The following KLHL4 variants were observed in gnomAD, a reference collection of about 807,000 sequenced individuals.
The protein encoded by KLHL4 is kelch like family member 4.
A neutral mutation model predicts 45.8 loss-of-function variants in KLHL4; 17 were observed. That is an observed-to-expected ratio of 0.37 (90% confidence interval 0.25 to 0.56). The LOEUF (loss-of-function observed/expected upper bound fraction) is 0.56. KLHL4 is among the 20% of genes least tolerant of loss of function. The probability of loss-of-function intolerance (pLI) is 0.79; values close to 1 mark genes in which losing one functional copy is unlikely to be tolerated. For missense variants in KLHL4, 544 were observed against 544.9 expected, an observed-to-expected ratio of 1.00 and a Z score of 0.02; for synonymous variants, 224 against 189.9, an observed-to-expected ratio of 1.18 and a Z score of -1.47.
intron 1 of KLHL4, among the ~76,000 whole-genome samples, chrX:87,582,980 C>A (rs1921334926): frequency 9.2e-6 from 1 of 108,953 alleles, no homozygotes; most frequent in Non-Finnish European, 1.9e-5. Flanking sequence ...TTTTTTCAAT[C>A]CTCCCTGCAA....
intron 9 of KLHL4, among the ~76,000 whole-genome samples, chrX:87,644,185 T>C (rs1022879707): frequency 2.7e-5 from 3 of 111,589 alleles, no homozygotes; most frequent in African/African-American, 9.8e-5. Context: ...CTAGAACTGA[T>C]AAAAGAATTC....
chrX:87,602,370 A>G (rs1373751400), intron 1 of KLHL4, among the ~76,000 whole-genome samples: 1 of 111,723 alleles, frequency 9.0e-6, no homozygotes, highest in Non-Finnish European at 1.9e-5. Flanking sequence ...TGACTCACTC[A>G]TTCACCCACC....
chrX:87,548,857 A>AG (rs1423932561), intron 1 of KLHL4, among the ~76,000 whole-genome samples: 3 of 109,313 alleles, frequency 2.7e-5, no homozygotes, highest in African/African-American at 9.9e-5. Context: ...AAAAAAAAAA[A>AG]AGAGAGAAGA....
intron 1 of KLHL4, among the ~76,000 whole-genome samples, chrX:87,597,540 C>G (rs1921876049): frequency 9.0e-6 from 1 of 111,114 alleles, no homozygotes; most frequent in African/African-American, 3.3e-5. Flanking sequence ...ATTCTAATTG[C>G]AATTCAGTGA....
At chrX:87,600,437 G>C (rs1460177147) in intron 1 of KLHL4, among the ~76,000 whole-genome samples, 4 of 105,796 alleles carry the variant, frequency 3.8e-5, no homozygotes, top group Non-Finnish European at 5.8e-5. Context: ...GAGCTGAGAT[G>C]GCGCCACTGC....
At chrX:87,624,640 T>C in intron 5 of KLHL4, among the ~76,000 whole-genome samples, 1 of 111,535 alleles carries the variant, frequency 9.0e-6, no homozygotes, top group Non-Finnish European at 1.9e-5. Context: ...CCCATGATAC[T>C]GTGGACCCAA....
chrX:87,626,651 TAAA>T (rs141379060), intron 6 of KLHL4, among the ~76,000 whole-genome samples: 3 of 100,475 alleles, frequency 3.0e-5, no homozygotes, highest in African/African-American at 1.1e-4. Context: ...TATGTAGCTT[TAAA>T]AAAAAAAAAA....
At chrX:87,608,419 A>C (rs1922265299) in intron 1 of KLHL4, among the ~76,000 whole-genome samples, 1 of 110,735 alleles carries the variant, frequency 9.0e-6, no homozygotes, top group South Asian at 3.8e-4. Flanking sequence ...CTTTAGCCAC[A>C]CTGGACTGTT....
intron 1 of KLHL4, among the ~76,000 whole-genome samples, chrX:87,583,327 G>A (rs929235652): frequency 8.9e-6 from 1 of 112,152 alleles, no homozygotes; most frequent in African/African-American, 3.2e-5. Flanking sequence ...GACACCAACT[G>A]GGGCAGCCAT....
intron 1 of KLHL4, among the ~76,000 whole-genome samples, chrX:87,592,030 G>A (rs758469229): frequency 9.2e-6 from 1 of 108,255 alleles, no homozygotes; most frequent in East Asian, 2.9e-4. Flanking sequence ...CCAGCCCGTA[G>A]TAGCCATCAT....
chrX:87,649,844 G>T (rs967653342), intron 9 of KLHL4, among the ~76,000 whole-genome samples: 10 of 110,988 alleles, frequency 9.0e-5, no homozygotes, highest in Non-Finnish European at 1.7e-4. Flanking sequence ...TTATTTCTGG[G>T]CTCTGTACTG....
chrX:87,546,825 T>C (rs766783376), intron 1 of KLHL4, among the ~76,000 whole-genome samples: 6 of 112,983 alleles, frequency 5.3e-5, no homozygotes, highest in African/African-American at 1.3e-4. Flanking sequence ...GAGATTATTT[T>C]TGAGCTTTAA....
At chrX:87,594,133 G>A (rs1277284832) in intron 1 of KLHL4, among the ~76,000 whole-genome samples, 1 of 111,576 alleles carries the variant, frequency 9.0e-6, no homozygotes, top group Non-Finnish European at 1.9e-5. Context: ...TATGTGGTCT[G>A]ATTCATTCTG....
At chrX:87,606,735 C>G (rs187500992) in intron 1 of KLHL4, among the ~76,000 whole-genome samples, 1 of 110,209 alleles carries the variant, frequency 9.1e-6, no homozygotes, top group East Asian at 2.9e-4. Flanking sequence ...CAATAAAAGA[C>G]CCAGGTCTTG....
chrX:87,593,813 C>T (rs1921752966), intron 1 of KLHL4, among the ~76,000 whole-genome samples: 1 of 111,244 alleles, frequency 9.0e-6, no homozygotes, highest in South Asian at 3.8e-4. Flanking sequence ...ACCAGCAATA[C>T]CTAACATAAA....
At chrX:87,630,148 C>T (rs939361695) in intron 6 of KLHL4, among the ~76,000 whole-genome samples, 13 of 111,507 alleles carry the variant, frequency 1.2e-4, no homozygotes, top group Non-Finnish European at 2.3e-4. Context: ...TCAATCTAAT[C>T]AAGGAGCAGT....
intron 1 of KLHL4, among the ~76,000 whole-genome samples, chrX:87,551,024 G>T (rs1363513006): frequency 1.8e-5 from 2 of 111,078 alleles, no homozygotes; most frequent in Non-Finnish European, 3.8e-5. Context: ...ACAAGAGAAA[G>T]AAATAAAATG....
In KLHL4 at chrX:87,669,089, C is replaced by T; in HGVS notation, c.*2555C>T. On this transcript the variant is annotated 3_prime_UTR_variant, in exon 11 of 11. Transcript: ENST00000373119. ...GCAGGCCCTTTCTGACATGCTTTAG[C>T]AGAGATAACTTATCAGGGCTAGTTT... 3.2e-6 allele frequency: 3 copies of T among 933,778 alleles called. No individual in the cohort carries two copies. 77.0% of individuals were successfully genotyped at this position (933,778 alleles called of 1,213,427 possible).
At chrX:87,530,213 A>G (rs868754705) in intron 1 of KLHL4, among the ~76,000 whole-genome samples, 1 of 110,169 alleles carries the variant, frequency 9.1e-6, no homozygotes, top group African/African-American at 3.3e-5. Flanking sequence ...TATGTCCTGA[A>G]TGGTAATGCC....
Sources: allele counts gnomAD v4.1 joint callset (sites outside exome capture counted in the v4.1 genomes callset), GRCh38; gene constraint gnomAD v4.1.1; transcripts MANE v1.5; gene names NCBI Gene and HGNC (gene_info 2026-07-23, HGNC 2026-07-21).